Variants in SPATA2L observed in about 807,000 individuals in gnomAD.
SPATA2L encodes spermatogenesis-associated protein 2-like protein.
A neutral mutation model predicts 8.7 loss-of-function variants in SPATA2L; 5 were observed. The observed-to-expected ratio is 0.57, with a 90% CI of 0.30 to 1.21. The LOEUF is 1.21. Ranked by LOEUF, SPATA2L falls within the 50% of genes most tolerant of loss-of-function variation. The pLI, the probability that SPATA2L is intolerant of heterozygous loss-of-function variation, is 0.07. For missense variants in SPATA2L, 671 were observed against 591.0 expected, an observed-to-expected ratio of 1.14 and a Z score of -1.40; for synonymous variants, 358 against 275.8, an observed-to-expected ratio of 1.30 and a Z score of -2.95.
rs2151610075 is a variant in SPATA2L, at chr16:89,697,937, T to C, written c.672A>G (p.Pro224=). Residue 224 remains proline (P), a synonymous_variant, in exon 3 of 3, where the codon CCA becomes CCG. Transcript: ENST00000289805. ...CCTGCAAGTCCCGGTATAAGTCCAG[T>C]GGGGCCCTGTAAGCAGCAGGGGAGC... The part of the protein sequence containing the change: ...PRGSPAAYRA[P]LDLYRDLQED... 1 of 1,609,894 alleles carries C rather than the reference T, an allele frequency of 6.2e-7. No individual in the cohort carries two copies. The highest frequency in any genetic ancestry group is 8.5e-7 in the Non-Finnish European group (1 of 1,178,688).
Position 89,697,224 on chromosome 16 carries a change from C to T in SPATA2L, c.*110G>A, listed in dbSNP as rs1597887808. 1 of 1,401,926 alleles carries T rather than the reference C, an allele frequency of 7.1e-7. No homozygotes were observed. Among genetic ancestry groups the T allele is most frequent in the Non-Finnish European group, 9.2e-7 (1 of 1,081,948 alleles). The allele number at this position is 1,401,926 out of a possible 1,614,324, so 86.8% of individuals were successfully genotyped here. A position where few individuals can be genotyped will look rare whatever the true frequency, so the allele number is the denominator to read the frequency against. On this transcript the variant is annotated 3_prime_UTR_variant, in exon 3 of 3. Coordinates refer to ENST00000289805, the MANE Select transcript of SPATA2L (RefSeq NM_152339.4). ...CTGGACTCTCCAACCCCCTGCTGTG[C>T]CCAGGACTCCCCCAGGGACAAGGCA...
rs756015625 is a variant in SPATA2L, at chr16:89,697,955, A to T, written c.654T>A (p.Pro218=). 9 of 1,607,070 alleles carry T rather than the reference A, an allele frequency of 5.6e-6. No homozygotes were observed. In the South Asian group the frequency reaches 9.9e-5, roughly 18 times the overall value. ...EPPPLPPRGS[P]AAYRAPLDLY... is the part of the protein sequence containing the mutation. Reference sequence around the variant, plus strand: ...AGTCCAGTGGGGCCCTGTAAGCAGCAGGGGAGCCTCGGGGGGGCAGGGGTG... The same window carrying T: ...AGTCCAGTGGGGCCCTGTAAGCAGCTGGGGAGCCTCGGGGGGGCAGGGGTG... Residue 218 remains proline, a synonymous_variant, in exon 3 of 3, where the codon CCT becomes CCA. Transcript: ENST00000289805.
chr16:89,698,649 G>C (rs2060754824), intron 2 of SPATA2L, among the ~76,000 whole-genome samples: 1 of 151,094 alleles, frequency 6.6e-6, no homozygotes, highest in South Asian at 2.1e-4. Context: ...ACCACACCCG[G>C]CTAATTTTCA....
At position 89,701,132 on chromosome 16, in the gene SPATA2L, AC is replaced by A; in HGVS notation, c.100del (p.Val34CysfsTer78). 1 of 1,533,234 alleles carries A rather than the reference AC, an allele frequency of 6.5e-7. No homozygotes were observed. The highest frequency in any genetic ancestry group is 8.7e-7 in the Non-Finnish European group (1 of 1,146,156). 95.0% of individuals were successfully genotyped at this position (1,533,234 alleles called of 1,614,324 possible). A position where few individuals can be genotyped will look rare whatever the true frequency, so the allele number is the denominator to read the frequency against. On this transcript the variant is annotated frameshift_variant, in exon 2 of 3. Coordinates refer to ENST00000289805, the MANE Select transcript of SPATA2L (RefSeq NM_152339.4). LOFTEE classifies it high-confidence loss of function. ...GVCGDPSLRAVLWQILVEDFD... is the reference protein window; with the variant it reads ...GVCGDPSLRAXLWQILVEDFD... Reference sequence around the variant, plus strand: ...GTCCTCCACCAGGATCTGCCAGAGCACCGCGCGCAGCGAGGGGTCCCCGCAC... The same window carrying A: ...GTCCTCCACCAGGATCTGCCAGAGCACGCGCGCAGCGAGGGGTCCCCGCAC...
In SPATA2L at chr16:89,696,588, G is replaced by C. The variant is rs1048601881; in HGVS notation, c.*746C>G. 4.0e-5 allele frequency: 21 copies of C among 524,034 alleles called. No homozygotes were observed. Among genetic ancestry groups the C allele is most frequent in the African/African-American group, 2.0e-4 (10 of 51,156 alleles). 32.5% of individuals were successfully genotyped at this position (524,034 alleles called of 1,614,324 possible). On this transcript the variant is annotated 3_prime_UTR_variant, in exon 3 of 3. Coordinates refer to ENST00000289805, the MANE Select transcript of SPATA2L (RefSeq NM_152339.4). The stretch of plus-strand genomic sequence containing the variant: ...GTGGGCTGCACCCACAGGGAATGGA[G>C]GGGAGGGGCACCATTACCACTGGAC...
rs766892823 is a variant in SPATA2L at position 89,697,687 on chromosome 16, A to G, written c.922T>C (p.Ser308Pro). 3 of 1,612,082 alleles carry G rather than the reference A, an allele frequency of 1.9e-6. No individual in the cohort carries two copies. The East Asian group carries it at 6.7e-5, about 36-fold the overall frequency. The change falls in exon 3 of 3, where the codon TCC becomes CCC. Residue 308 changes from serine to proline, a missense_variant. Transcript: ENST00000289805. The stretch of plus-strand genomic sequence containing the variant: ...AGCTCACGGCGCAGAGAGAGGAAGG[A>G]GAAGGCGGAAGGTTCAGGTTCCAGC... ...EGLEPEPSAF[S>P]FLSLRRELSR... is the part of the protein sequence containing the mutation.
rs1054143941 is a variant in SPATA2L, at chr16:89,701,040, CGCGGCCCCACAGCCCG to C, written c.177_192del (p.Asp59GlufsTer48). 6.4e-7 allele frequency: 1 copy of C among 1,569,964 alleles called. No individual in the cohort carries two copies. The highest frequency in any genetic ancestry group is 8.6e-7 in the Non-Finnish European group (1 of 1,161,338). On this transcript the variant is annotated frameshift_variant, in exon 2 of 3. Coordinates refer to ENST00000289805, the MANE Select transcript of SPATA2L (RefSeq NM_152339.4). LOFTEE classifies it high-confidence loss of function. ...CCGCGTAGCGCGGGCGCCAGGTCGG[CGCGGCCCCACAGCCCG>C]TCGGTGAGCAGAGCCAGCGCGTCGT... is the stretch of plus-strand genomic sequence containing the variant.
rs892151834 is a variant in SPATA2L at position 89,701,251 on chromosome 16, C to CG, written c.-1-19dup. 52 of 1,395,650 alleles carry CG rather than the reference C, an allele frequency of 3.7e-5. No individual in the cohort carries two copies. The highest frequency in any genetic ancestry group is 1.2e-4 in the Admixed American group (4 of 33,058). The allele number at this position is 1,395,650 out of a possible 1,614,324, so 86.5% of individuals were successfully genotyped here. A position where few individuals can be genotyped will look rare whatever the true frequency, so the allele number is the denominator to read the frequency against. ...TGCCCATCCTGCGGCGGACGGGGGT[C>CG]GGGGGGGTCAGGGACCTAAGGCCGC... On this transcript the variant is annotated intron_variant, in intron 1 of 2. Transcript: ENST00000289805.
Position 89,701,056 on chromosome 16 carries a change from G to C in SPATA2L, c.177C>G (p.Asp59Glu). The C allele has an allele frequency of 1.9e-6, 3 of 1,573,380 alleles. No individual in the cohort carries two copies. The highest frequency in any genetic ancestry group is 2.6e-6 in the Non-Finnish European group (3 of 1,163,590). The part of the protein sequence containing the change: ...LQDDALALLT[D>E]GLWGRADLAP... ...CCAGGTCGGCGCGGCCCCACAGCCC[G>C]TCGGTGAGCAGAGCCAGCGCGTCGT... The change falls in exon 2 of 3, where the codon GAC becomes GAG. Residue 59 changes from aspartate to glutamate, a missense_variant. Coordinates refer to ENST00000289805, the MANE Select transcript of SPATA2L (RefSeq NM_152339.4).
chr16:89,700,824 G>A (rs917814004), intron 2 of SPATA2L, 106 bp downstream of exon 2: 6 of 1,252,156 alleles, frequency 4.8e-6, no homozygotes, highest in Non-Finnish European at 6.3e-6. Context: ...AGGCACTGAG[G>A]ACACTTGAAG....
chr16:89,700,749 C>T (rs1225980880), intron 2 of SPATA2L, among the ~76,000 whole-genome samples, 181 bp downstream of exon 2: 6 of 152,168 alleles, frequency 3.9e-5, no homozygotes, highest in Non-Finnish European at 7.3e-5. Context: ...ATGTTCTCAG[C>T]CCTAGGAGTG....
chr16:89,698,544 G>A (rs1377951138), intron 2 of SPATA2L, among the ~76,000 whole-genome samples: 1 of 139,688 alleles, frequency 7.2e-6, no homozygotes, highest in Non-Finnish European at 1.5e-5. Flanking sequence ...GGAGTGCAGT[G>A]GCTCCATCTC....
chr16:89,697,167 T>C lies in SPATA2L; in HGVS notation c.*167A>G, dbSNP rs933248172. 2.2e-6 allele frequency: 3 copies of C among 1,380,966 alleles called. No homozygotes were observed. In the African/African-American group the frequency reaches 4.4e-5, roughly 20 times the overall value. 85.5% of individuals were successfully genotyped at this position (1,380,966 alleles called of 1,614,324 possible). ...CCTGCTGCCCTTGGAGCCTTCCATATACAGAGAGTCCCACCTCCAGCAAGG... is the reference window on the plus strand; with the variant it reads ...CCTGCTGCCCTTGGAGCCTTCCATACACAGAGAGTCCCACCTCCAGCAAGG... On this transcript the variant is annotated 3_prime_UTR_variant, in exon 3 of 3. Coordinates refer to ENST00000289805, the MANE Select transcript of SPATA2L (RefSeq NM_152339.4).
At chr16:89,699,824 A>G (rs560971863) in intron 2 of SPATA2L, among the ~76,000 whole-genome samples, 1 of 152,304 alleles carries the variant, frequency 6.6e-6, no homozygotes, top group Non-Finnish European at 1.5e-5. Flanking sequence ...AGCTGGGATT[A>G]CAGGCGTGAG....
rs758924149 is a variant in SPATA2L, at chr16:89,697,358, G to A, written c.1251C>T (p.Tyr417=). The change falls in exon 3 of 3, where the codon TAC becomes TAT. Residue 417 remains tyrosine (Y), a synonymous_variant. Transcript: ENST00000289805. ...LQRAQMDTLL[Y]NSPGARP ...CCTAGGGCCGGGCCCCGGGGCTGTT[G>A]TAGAGCAGAGTGTCCATCTGTGCAC... 8.4e-6 allele frequency: 13 copies of A among 1,540,722 alleles called. No homozygotes were observed. The highest frequency in any genetic ancestry group is 1.2e-5 in the South Asian group (1 of 80,480).
Position 89,700,975 on chromosome 16 carries a change from C to A in SPATA2L, c.258G>T (p.Val86=). The change falls in exon 2 of 3, where the codon GTG becomes GTT. Residue 86 remains valine (V), a synonymous_variant. Coordinates refer to ENST00000289805, the MANE Select transcript of SPATA2L (RefSeq NM_152339.4). ...TCCTCCAGGGCAGCAGGTACAGGTG[C>A]ACCGCGGCGAGCTCCAGAAGCTCGA... is the stretch of plus-strand genomic sequence containing the variant. ...RAFELLELAA[V]HLYLLPWRKE... 1 of 1,552,772 alleles carries A rather than the reference C, an allele frequency of 6.4e-7. No homozygotes were observed. Among genetic ancestry groups the A allele is most frequent in the Non-Finnish European group, 8.7e-7 (1 of 1,151,200 alleles).
chr16:89,700,829 T>C, intron 2 of SPATA2L, 101 bp downstream of exon 2: 2 of 1,300,926 alleles, frequency 1.5e-6, no homozygotes. Flanking sequence ...CTGAGGACAC[T>C]TGAAGCCCCT....
At position 89,697,075 on chromosome 16, in the gene SPATA2L, C is replaced by A; in HGVS notation, c.*259G>T. The A allele has an allele frequency of 7.2e-7, 1 of 1,387,830 alleles. No individual in the cohort carries two copies. Among genetic ancestry groups the A allele is most frequent in the East Asian group, 2.6e-5 (1 of 38,710 alleles). 86.0% of individuals were successfully genotyped at this position (1,387,830 alleles called of 1,614,324 possible). Reference sequence around the variant, plus strand: ...ACAGGCTGGACCCCTCTACCCAGCACATGTGGGCATGCGTCTGGGTTCCGA... The same window carrying A: ...ACAGGCTGGACCCCTCTACCCAGCAAATGTGGGCATGCGTCTGGGTTCCGA... On this transcript the variant is annotated 3_prime_UTR_variant, in exon 3 of 3. Transcript: ENST00000289805.
Position 89,698,153 on chromosome 16 carries a change from G to A in SPATA2L, c.456C>T (p.Ala152=). 6.2e-7 allele frequency: 1 copy of A among 1,611,684 alleles called. No homozygotes were observed. Among genetic ancestry groups the A allele is most frequent in the South Asian group, 1.1e-5 (1 of 90,908 alleles). ...LPPACQLVQV[A]LGCFALRLEC... The stretch of plus-strand genomic sequence containing the variant: ...CCAGCCGGAGGGCGAAGCAGCCCAG[G>A]GCCACCTGCACCAGCTGGCAGGCGG... Residue 152 remains alanine (A), a synonymous_variant, in exon 3 of 3, where the codon GCC becomes GCT. Transcript: ENST00000289805.
Sources: allele counts gnomAD v4.1 joint callset (sites outside exome capture counted in the v4.1 genomes callset), GRCh38; gene constraint gnomAD v4.1.1; transcripts MANE v1.5; gene names NCBI Gene and HGNC (gene_info 2026-07-23, HGNC 2026-07-21).